INO80D: variants seen among roughly 807,000 people sequenced by gnomAD.
INO80D encodes INO80 complex subunit D.
Under a neutral mutation model 87.6 loss-of-function variants are expected in INO80D, and 21 were observed. The ratio of observed to expected loss-of-function variants is 0.24; its 90% CI spans 0.17 to 0.35. The LOEUF is 0.35. Ranked by LOEUF, INO80D falls within the 10% of genes least tolerant of loss-of-function variation. The pLI, the probability that INO80D is intolerant of heterozygous loss-of-function variation, is 1.00. For synonymous variants in INO80D, 440 were observed against 491.0 expected (o/e 0.90, Z 1.37); for missense variants, 982 against 1,280.7 (o/e 0.77, Z 3.56).
At chr2:206,031,329 T>G (rs1303522143) in intron 5 of INO80D, among the ~76,000 whole-genome samples, 3 of 151,000 alleles carry the variant, frequency 2.0e-5, no homozygotes, top group African/African-American at 7.3e-5. Flanking sequence ...TGACTCAATA[T>G]GAAAGATTAG....
At chr2:206,074,169 A>C (rs1690046490) in intron 1 of INO80D, among the ~76,000 whole-genome samples, 1 of 152,244 alleles carries the variant, frequency 6.6e-6, no homozygotes. Context: ...GAGAGAATGC[A>C]GGTAATTAAA....
intron 1 of INO80D, among the ~76,000 whole-genome samples, chr2:206,071,654 T>C (rs552276473): frequency 1.3e-5 from 2 of 151,286 alleles, no homozygotes; most frequent in African/African-American, 2.4e-5. Context: ...ATTTGCACTT[T>C]GAATGTTTCT....
chr2:206,036,212 C>A (rs902535616), intron 5 of INO80D, among the ~76,000 whole-genome samples: 1 of 152,136 alleles, frequency 6.6e-6, no homozygotes, highest in Non-Finnish European at 1.5e-5. Context: ...AGTAGAACTA[C>A]CATTTGATCC....
chr2:206,025,540 AAAAT>A (rs1191302481), intron 6 of INO80D: 42 of 63,284 alleles, frequency 6.6e-4, no homozygotes, highest in South Asian at 3.1e-3. Context: ...AAAAAAAAAA[AAAAT>A]ATATATATAT....
chr2:206,077,150 G>A (rs1186645051), intron 1 of INO80D, among the ~76,000 whole-genome samples: 2 of 151,976 alleles, frequency 1.3e-5, no homozygotes, highest in African/African-American at 4.8e-5. Flanking sequence ...GGTGGTGGGC[G>A]CCTGTAGTCC....
chr2:206,029,550 ATCT>A (rs1311266765), intron 5 of INO80D, among the ~76,000 whole-genome samples: 2 of 152,250 alleles, frequency 1.3e-5, no homozygotes, highest in African/African-American at 2.4e-5. Context: ...TCTCTTACTA[ATCT>A]TCTACTATTC....
At chr2:206,024,367 C>G (rs961138187) in intron 6 of INO80D, among the ~76,000 whole-genome samples, 2 of 151,904 alleles carry the variant, frequency 1.3e-5, no homozygotes, top group Non-Finnish European at 2.9e-5. Flanking sequence ...CTAACATAGT[C>G]CAGGGAATCA....
At position 205,994,930 on chromosome 2, in the gene INO80D, T is replaced by A. The variant is rs1222224841; in HGVS notation, c.*9438A>T. The A allele has an allele frequency of 6.6e-6, 1 of 150,766 alleles. No individual in the cohort carries two copies. The highest frequency in any genetic ancestry group is 6.6e-5 in the Admixed American group (1 of 15,130). 9.3% of individuals were successfully genotyped at this position (150,766 alleles called of 1,614,324 possible). A position where few individuals can be genotyped will look rare whatever the true frequency, so the allele number is the denominator to read the frequency against. ...AAGAAAAAAGAGTTTGGGAGGGCCC[T>A]TAACTAAAATGTGCTTAAGACAGCT... On this transcript the variant is annotated 3_prime_UTR_variant, in exon 11 of 11. Transcript: ENST00000403263.
chr2:206,042,178 T>G (rs970818795), intron 5 of INO80D, among the ~76,000 whole-genome samples: 1 of 152,006 alleles, frequency 6.6e-6, no homozygotes, highest in Admixed American at 6.6e-5. Flanking sequence ...GTATTAAAAT[T>G]TGTGGGACAC....
chr2:206,080,673 C>A (rs1340037966), intron 1 of INO80D, among the ~76,000 whole-genome samples: 1 of 151,802 alleles, frequency 6.6e-6, no homozygotes, highest in African/African-American at 2.4e-5. Context: ...TTTGGGAGGC[C>A]AAGGCGGGCG....
intron 8 of INO80D, among the ~76,000 whole-genome samples, chr2:206,015,809 C>G (rs533387996): frequency 1.0e-3 from 158 of 152,228 alleles, no homozygotes; most frequent in Non-Finnish European, 1.8e-3. Context: ...ATTGCTTAAA[C>G]CTTGAAAGCA....
intron 1 of INO80D, among the ~76,000 whole-genome samples, chr2:206,071,782 G>T (rs1347812463): frequency 6.6e-6 from 1 of 151,774 alleles, no homozygotes; most frequent in African/African-American, 2.4e-5. Context: ...TCTAGTTTCA[G>T]AGGAGGTATG....
At chr2:206,081,916 G>A (rs998437542) in intron 1 of INO80D, among the ~76,000 whole-genome samples, 8 of 152,038 alleles carry the variant, frequency 5.3e-5, no homozygotes, top group Admixed American at 4.6e-4. Context: ...AGAAACCAAA[G>A]ACTAAATAAC....
rs1687919864 is a variant in INO80D, at chr2:206,002,265, C to T, written c.*2103G>A. 1 of 152,118 alleles carries T rather than the reference C, an allele frequency of 6.6e-6. No individual in the cohort carries two copies. The highest frequency in any genetic ancestry group is 1.5e-5 in the Non-Finnish European group (1 of 68,026). 9.4% of individuals were successfully genotyped at this position (152,118 alleles called of 1,614,324 possible). ...GTAACTACTCGTGACCACTTCATTA[C>T]AGTACATTAAAATAAAAAAGCTTAC... On this transcript the variant is annotated 3_prime_UTR_variant, in exon 11 of 11. Transcript: ENST00000403263.
intron 8 of INO80D, among the ~76,000 whole-genome samples, chr2:206,014,004 A>AG (rs1216229146): frequency 6.6e-6 from 1 of 151,940 alleles, no homozygotes; most frequent in Non-Finnish European, 1.5e-5. Context: ...ACTAAAAAAA[A>AG]CAAAAATTAG....
At chr2:206,051,473 G>C (rs868309091) in intron 4 of INO80D, among the ~76,000 whole-genome samples, 2 of 151,902 alleles carry the variant, frequency 1.3e-5, no homozygotes, top group Middle Eastern at 3.4e-3. Flanking sequence ...CCAATCAATA[G>C]AAAATAAATA....
At position 206,004,678 on chromosome 2, in the gene INO80D, G is replaced by A. The variant is rs774494163; in HGVS notation, c.2774C>T (p.Ser925Leu). The A allele has an allele frequency of 1.8e-5, 29 of 1,613,846 alleles. No individual in the cohort carries two copies. Among genetic ancestry groups the A allele is most frequent in the Middle Eastern group, 1.6e-4 (1 of 6,084 alleles). ...GGCAGGCTGTGTGGTCTCTGAGTTCGAAGTGGTGGGTGGCGTGGATAGGGA... is the reference window on the plus strand; with the variant it reads ...GGCAGGCTGTGTGGTCTCTGAGTTCAAAGTGGTGGGTGGCGTGGATAGGGA... ...STSLSTPPTT[S>L]NSETTQPAFA... The change falls in exon 11 of 11, where the codon TCG becomes TTG. Residue 925 changes from serine (S) to leucine (L), a missense_variant. Ser to Leu is a moderately radical substitution (Grantham distance 145). Coordinates refer to ENST00000403263, the MANE Select transcript of INO80D (RefSeq NM_017759.5). This position sits in a 1 kb window ranked among gnomAD's most constrained non-coding sequence, Gnocchi z 4.9.
At position 206,062,510 on chromosome 2, in the gene INO80D, T is replaced by C. The variant is rs531363977; in HGVS notation, c.218+289A>G. 4.6e-5 allele frequency among the ~76,000 whole-genome samples: 7 copies of C among 152,174 alleles called. No individual in the cohort carries two copies. The highest frequency in any genetic ancestry group is 1.2e-4 in the African/African-American group (5 of 41,530). On this transcript the variant is annotated intron_variant, in intron 3 of 10. Coordinates refer to ENST00000403263, the MANE Select transcript of INO80D (RefSeq NM_017759.5). This position sits in a 1 kb window ranked among gnomAD's most constrained non-coding sequence, Gnocchi z 4.6. ...AGCAGCAACTTTGAGGGAAAAAAAA[T>C]CTTTTAAAAATTCTAGAAGTCCATG...
At chr2:206,029,221 C>A (rs1239750347) in intron 5 of INO80D, among the ~76,000 whole-genome samples, 1 of 151,982 alleles carries the variant, frequency 6.6e-6, no homozygotes, top group Non-Finnish European at 1.5e-5. Flanking sequence ...ATGGAAGTAT[C>A]CTAAACAGCA....
Sources: allele counts gnomAD v4.1 joint callset (sites outside exome capture counted in the v4.1 genomes callset), GRCh38; gene constraint gnomAD v4.1.1; non-coding constraint Gnocchi (gnomAD v3.1); transcripts MANE v1.5; gene names NCBI Gene and HGNC (gene_info 2026-07-23, HGNC 2026-07-21).